MEI4: variants seen among roughly 807,000 people sequenced by gnomAD.
The protein encoded by MEI4 is meiotic double-stranded break formation protein 4.
A neutral mutation model predicts 31.4 loss-of-function variants in MEI4; 27 were observed. The ratio of observed to expected loss-of-function variants is 0.86; its 90% CI spans 0.63 to 1.19. The LOEUF is 1.19. Ranked by LOEUF, MEI4 falls within the 50% of genes most tolerant of loss-of-function variation. The probability of loss-of-function intolerance (pLI) is 0.00; values close to 1 mark genes in which losing one functional copy is unlikely to be tolerated. For missense variants in MEI4, 329 were observed against 398.9 expected (o/e 0.82, Z 1.49); for synonymous variants, 122 against 145.4 (o/e 0.84, Z 1.16).
chr6:77,664,655 G>A (rs983092979), intron 1 of MEI4, among the ~76,000 whole-genome samples: 2 of 152,056 alleles, frequency 1.3e-5, no homozygotes, highest in Admixed American at 6.5e-5. Context: ...AAGACTCAGC[G>A]ACGCTTGGGG....
intron 4 of MEI4, among the ~76,000 whole-genome samples, chr6:77,910,620 C>T (rs1372781967): frequency 6.6e-6 from 1 of 152,026 alleles, no homozygotes; most frequent in Non-Finnish European, 1.5e-5. Context: ...GTGAAAATGG[C>T]CATACAGCCC....
intron 4 of MEI4, among the ~76,000 whole-genome samples, chr6:77,861,994 A>G (rs1770877200): frequency 6.6e-6 from 1 of 152,008 alleles, no homozygotes; most frequent in South Asian, 2.1e-4. Context: ...ACATTTTGGG[A>G]AACATCATTC....
chr6:77,748,556 G>A (rs1221349443), intron 2 of MEI4, among the ~76,000 whole-genome samples: 1 of 152,140 alleles, frequency 6.6e-6, no homozygotes, highest in Non-Finnish European at 1.5e-5. Flanking sequence ...TATCCTACTA[G>A]GCCTGGGGGC....
At chr6:77,651,431 T>C (rs1227244048), upstream of MEI4, among the ~76,000 whole-genome samples, 2 of 152,360 alleles carry the variant, frequency 1.3e-5, no homozygotes, top group East Asian at 3.9e-4. Flanking sequence ...GATAAGGCAA[T>C]GTGCAGTTGT....
At chr6:77,758,664 T>C (rs1294068657) in intron 2 of MEI4, among the ~76,000 whole-genome samples, 2 of 152,310 alleles carry the variant, frequency 1.3e-5, no homozygotes, top group African/African-American at 4.8e-5. Flanking sequence ...GAAAAGTGTT[T>C]ACTTTGGCAT....
At chr6:77,907,767 A>T (rs891142597) in intron 4 of MEI4, among the ~76,000 whole-genome samples, 23 of 152,126 alleles carry the variant, frequency 1.5e-4, no homozygotes, top group African/African-American at 4.6e-4. Context: ...TCCCACCAAC[A>T]GTGTAAAAGT....
At chr6:77,813,510 T>A (rs1015111065) in intron 3 of MEI4, among the ~76,000 whole-genome samples, 1 of 151,716 alleles carries the variant, frequency 6.6e-6, no homozygotes, top group Non-Finnish European at 1.5e-5. Context: ...TTCTTTTTTT[T>A]TTTTCATTTT....
At chr6:77,894,706 T>C (rs556337806) in intron 4 of MEI4, among the ~76,000 whole-genome samples, 22 of 152,350 alleles carry the variant, frequency 1.4e-4, no homozygotes, top group African/African-American at 5.3e-4. Context: ...GAGCCAATCT[T>C]GTTGTCCCTA....
At position 77,851,760 on chromosome 6, in the gene MEI4, T is replaced by C. The variant is rs546295967; in HGVS notation, c.900+22698T>C. On this transcript the variant is annotated intron_variant, in intron 4 of 4. Coordinates refer to ENST00000684080, the MANE Select transcript of MEI4 (RefSeq NM_001322247.2). Reference sequence around the variant, plus strand: ...AGCAAACCTGAACGTTGTGCACATGTACCCTAGAACTTAAAGTATAATTAA... The same window carrying C: ...AGCAAACCTGAACGTTGTGCACATGCACCCTAGAACTTAAAGTATAATTAA... 6.6e-5 allele frequency among the ~76,000 whole-genome samples: 10 copies of C among 152,166 alleles called. No individual in the cohort carries two copies. In the South Asian group the frequency reaches 2.1e-3, roughly 32 times the overall value.
chr6:77,669,092 TACAG>T (rs1259986756), intron 1 of MEI4, among the ~76,000 whole-genome samples: 1 of 152,220 alleles, frequency 6.6e-6, no homozygotes, highest in African/African-American at 2.4e-5. Context: ...TTTCTGTTAA[TACAG>T]ACATGGATGC....
chr6:77,718,376 T>C (rs1766630951), intron 2 of MEI4, among the ~76,000 whole-genome samples: 1 of 141,994 alleles, frequency 7.0e-6, no homozygotes, highest in Non-Finnish European at 1.5e-5. Flanking sequence ...TTGTCTAAGA[T>C]CATTAATTTG....
intron 1 of MEI4, among the ~76,000 whole-genome samples, chr6:77,685,312 CTT>C (rs56264627): frequency 4.4e-4 from 56 of 128,140 alleles, no homozygotes; most frequent in Non-Finnish European, 5.1e-4. Flanking sequence ...TGTCCCTTCA[CTT>C]TTTTTTTTTT....
At chr6:77,672,536 G>T (rs1207288417) in intron 1 of MEI4, among the ~76,000 whole-genome samples, 1 of 152,038 alleles carries the variant, frequency 6.6e-6, no homozygotes, top group Non-Finnish European at 1.5e-5. Context: ...TTTACATTCT[G>T]GTTTATTATT....
chr6:77,680,115 C>CAAAAAAAAAAAAGAAAAAAAAAAAAA (rs1768925944), intron 1 of MEI4, among the ~76,000 whole-genome samples: 1 of 39,754 alleles, frequency 2.5e-5, no homozygotes, highest in African/African-American at 1.2e-4. Flanking sequence ...ACTAAAAATA[C>CAAAAAAAAAAAAGAAAAAAAAAAAAA]AAAAAAAAAA....
rs996800875 is a variant in MEI4 at position 77,655,943 on chromosome 6, G to T, written c.-15+2851G>T. Among the ~76,000 whole-genome samples the T allele has an allele frequency of 3.9e-5, 6 of 152,154 alleles. No individual in the cohort carries two copies. In the South Asian group the frequency reaches 6.2e-4, roughly 16 times the overall value. On this transcript the variant is annotated intron_variant, in intron 1 of 4. Transcript: ENST00000684080. ...ATTGTCTTTAAGGAAATGTTCTGAA[G>T]TAGGTTCTTAAGCATAGCCTTCATT...
chr6:77,906,414 T>C (rs948110123), intron 4 of MEI4, among the ~76,000 whole-genome samples: 3 of 148,430 alleles, frequency 2.0e-5, no homozygotes, highest in Non-Finnish European at 4.5e-5. Flanking sequence ...CAAAGTTGCA[T>C]AGTCTCTGTA....
At chr6:77,790,519 T>G (rs1026363196) in intron 3 of MEI4, among the ~76,000 whole-genome samples, 5 of 151,900 alleles carry the variant, frequency 3.3e-5, no homozygotes, top group African/African-American at 1.2e-4. Context: ...TGCAATATAC[T>G]TATGTAGCAA....
chr6:77,728,850 A>G (rs936542073), intron 2 of MEI4, among the ~76,000 whole-genome samples: 1 of 152,212 alleles, frequency 6.6e-6, no homozygotes, highest in Non-Finnish European at 1.5e-5. Context: ...AGGACTTTCA[A>G]TACAGTGGGA....
At position 77,801,748 on chromosome 6, in the gene MEI4, G is replaced by C. The variant is rs557182291; in HGVS notation, c.769-27183G>C. On this transcript the variant is annotated intron_variant, in intron 3 of 4. Coordinates refer to ENST00000684080, the MANE Select transcript of MEI4 (RefSeq NM_001322247.2). ...TTGTTGTGTACCCAGTAGTTATTCA[G>C]GAGCAGGTTGTTCAGTTTCCATGTA... is the stretch of plus-strand genomic sequence containing the variant. Among the ~76,000 whole-genome samples the C allele has an allele frequency of 2.4e-4, 36 of 152,282 alleles. No homozygotes were observed. The South Asian group carries it at 7.0e-3, about 30-fold the overall frequency.
Sources: allele counts gnomAD v4.1 joint callset (sites outside exome capture counted in the v4.1 genomes callset), GRCh38; gene constraint gnomAD v4.1.1; transcripts MANE v1.5; gene names NCBI Gene and HGNC (gene_info 2026-07-23, HGNC 2026-07-21).